The following SORL1 variants were observed in gnomAD, a reference collection of about 807,000 sequenced individuals.
SORL1 encodes sortilin-related receptor.
In SORL1, 127 loss-of-function variants were observed where a neutral mutation model predicts 273.7. The observed-to-expected ratio is 0.46, with a 90% CI of 0.40 to 0.54. The LOEUF (loss-of-function observed/expected upper bound fraction) is 0.54, where lower values mean the gene tolerates loss of function less well. Ranked by LOEUF, SORL1 falls within the 20% of genes least tolerant of loss-of-function variation. SORL1 has a pLI of 0.00. For missense variants in SORL1, 2,494 were observed against 2,846.1 expected (o/e 0.88, Z 2.81); for synonymous variants, 1,031 against 1,067.4 (o/e 0.97, Z 0.66).
At chr11:121,492,219 G>A (rs1420548127) in intron 5 of SORL1, among the ~76,000 whole-genome samples, 1 of 152,094 alleles carries the variant, frequency 6.6e-6, no homozygotes, top group African/African-American at 2.4e-5. Context: ...AAAGTAGCTG[G>A]GCATGGTGGC....
intron 2 of SORL1, among the ~76,000 whole-genome samples, chr11:121,475,699 G>T (rs1219667861): frequency 6.6e-6 from 1 of 152,228 alleles, no homozygotes; most frequent in Non-Finnish European, 1.5e-5. Context: ...ACTTGTTGGA[G>T]TAGAGAGACA....
Position 121,586,325 on chromosome 11 carries a change from C to T in SORL1, c.3810C>T (p.His1270=). ...RDCSDGSDEQ[H]CEPLCTHFMD... is the part of the protein sequence containing the mutation. The stretch of plus-strand genomic sequence containing the variant: ...GCTCTGATGGCTCCGATGAACAGCA[C>T]TGCGGTGAGTTCATTCCTTGCCCCC... Residue 1270 remains histidine, a synonymous_variant, in exon 27 of 48, where the codon CAC becomes CAT. Transcript: ENST00000260197. The T allele has an allele frequency of 6.2e-7, 1 of 1,612,504 alleles. No individual in the cohort carries two copies. The highest frequency in any genetic ancestry group is 8.5e-7 in the Non-Finnish European group (1 of 1,178,452).
chr11:121,585,881 T>C (rs1863096654), intron 26 of SORL1, among the ~76,000 whole-genome samples: 1 of 152,252 alleles, frequency 6.6e-6, no homozygotes, highest in Non-Finnish European at 1.5e-5. Context: ...CTGTTATTGA[T>C]GGACTGTTTT....
At chr11:121,505,128 G>A (rs1861768319) in intron 6 of SORL1, among the ~76,000 whole-genome samples, 1 of 152,014 alleles carries the variant, frequency 6.6e-6, no homozygotes, top group African/African-American at 2.4e-5. Flanking sequence ...AAGTTTTCTG[G>A]ATACTAATTC....
chr11:121,467,030 CTT>C (rs58596501), intron 1 of SORL1, among the ~76,000 whole-genome samples: 8 of 125,286 alleles, frequency 6.4e-5, no homozygotes, highest in Non-Finnish European at 8.1e-5. Flanking sequence ...TTCTTTTTTT[CTT>C]TTTTTTTTTT....
At position 121,529,864 on chromosome 11, in the gene SORL1, C is replaced by G. The variant is rs553086341; in HGVS notation, c.1597-2600C>G. On this transcript the variant is annotated intron_variant, in intron 11 of 47. Transcript: ENST00000260197. ...TATTTCATTTATTTTCTTTTCATTTCTCCTATTTATTATTCCTCTGTTCCT... is the reference window on the plus strand; with the variant it reads ...TATTTCATTTATTTTCTTTTCATTTGTCCTATTTATTATTCCTCTGTTCCT... 2.0e-5 allele frequency among the ~76,000 whole-genome samples: 3 copies of G among 152,030 alleles called. No individual in the cohort carries two copies. In the East Asian group the frequency reaches 5.8e-4, roughly 29 times the overall value.
At chr11:121,597,874 C>T (rs1030351726) in intron 32 of SORL1, among the ~76,000 whole-genome samples, 2 of 152,162 alleles carry the variant, frequency 1.3e-5, no homozygotes, top group African/African-American at 2.4e-5. Flanking sequence ...GGTGGGCTAG[C>T]TTCCTGGAGA....
At chr11:121,567,902 T>C (rs1300034234) in intron 22 of SORL1, among the ~76,000 whole-genome samples, 3 of 152,094 alleles carry the variant, frequency 2.0e-5, no homozygotes, top group Non-Finnish European at 4.4e-5. Flanking sequence ...TTTTTTTATA[T>C]ATATTTTAAA....
intron 1 of SORL1, among the ~76,000 whole-genome samples, chr11:121,453,765 C>T (rs1393534605): frequency 6.6e-6 from 1 of 152,196 alleles, no homozygotes; most frequent in African/African-American, 2.4e-5. Flanking sequence ...GAAACTGAAG[C>T]GTGGAATGGT....
At chr11:121,570,939 T>A (rs1233992454) in intron 23 of SORL1, among the ~76,000 whole-genome samples, 1 of 152,246 alleles carries the variant, frequency 6.6e-6, no homozygotes, top group Non-Finnish European at 1.5e-5. Flanking sequence ...CTTCACTTAA[T>A]TTTTAATAGC....
At chr11:121,599,768 T>C (rs920096885) in intron 32 of SORL1, among the ~76,000 whole-genome samples, 3 of 117,254 alleles carry the variant, frequency 2.6e-5, no homozygotes, top group Non-Finnish European at 4.9e-5. Flanking sequence ...TGCTGTGTAC[T>C]TTTTTTTTTT....
chr11:121,523,058 C>G, intron 11 of SORL1, 69 bp downstream of exon 11: 2 of 1,078,386 alleles, frequency 1.9e-6, no homozygotes, highest in Non-Finnish European at 2.9e-6. Flanking sequence ...TAGACTGTGC[C>G]TTGGCATTTC....
chr11:121,470,760 C>T (rs187479993), intron 2 of SORL1, among the ~76,000 whole-genome samples: 39 of 152,216 alleles, frequency 2.6e-4, no homozygotes, highest in East Asian at 1.5e-3. Context: ...CTGCAACCTC[C>T]GCCTCCTGGG....
chr11:121,612,713 A>C (rs1357174072), intron 39 of SORL1, 23 bp from the exon 40 acceptor site: 1 of 1,588,222 alleles, frequency 6.3e-7, no homozygotes, highest in Non-Finnish European at 8.6e-7. Flanking sequence ...TGTTCATCTA[A>C]CATGCTTCTT....
Position 121,604,177 on chromosome 11 carries a change from C to G in SORL1, c.4520-16C>G. The G allele has an allele frequency of 6.2e-7, 1 of 1,613,572 alleles. No individual in the cohort carries two copies. Among genetic ancestry groups the G allele is most frequent in the Non-Finnish European group, 8.5e-7 (1 of 1,179,750 alleles). On this transcript the variant is annotated splice_polypyrimidine_tract_variant and intron_variant, in intron 32 of 47. Transcript: ENST00000260197. The stretch of plus-strand genomic sequence containing the variant: ...GGCCCCTCCCCGTGGACTTAAGAAG[C>G]CTCTCTGTGTTTCAGCCACACACAG...
At chr11:121,562,671 C>T (rs1465566998) in intron 21 of SORL1, among the ~76,000 whole-genome samples, 1 of 152,060 alleles carries the variant, frequency 6.6e-6, no homozygotes, top group East Asian at 1.9e-4. Context: ...CCCTACACCT[C>T]AAGAGTAGTG....
intron 28 of SORL1, among the ~76,000 whole-genome samples, chr11:121,588,450 A>G (rs1863155296): frequency 6.6e-6 from 1 of 152,184 alleles, no homozygotes; most frequent in Admixed American, 6.5e-5. Flanking sequence ...GGGTCGCTGA[A>G]AGTGAGAGGC....
At chr11:121,583,931 T>C (rs1387546482) in intron 26 of SORL1, among the ~76,000 whole-genome samples, 1 of 152,246 alleles carries the variant, frequency 6.6e-6, no homozygotes, top group African/African-American at 2.4e-5. Context: ...GTTGTCTACA[T>C]GTTGTTATAC....
chr11:121,617,891 T>A (rs904232266), intron 41 of SORL1, among the ~76,000 whole-genome samples: 1 of 152,214 alleles, frequency 6.6e-6, no homozygotes, highest in Admixed American at 6.5e-5. Context: ...GTTTATTTCC[T>A]CTTGTAATTA....
Sources: allele counts gnomAD v4.1 joint callset (sites outside exome capture counted in the v4.1 genomes callset), GRCh38; gene constraint gnomAD v4.1.1; transcripts MANE v1.5; gene names NCBI Gene and HGNC (gene_info 2026-07-23, HGNC 2026-07-21).